PARP11: variants seen among roughly 807,000 people sequenced by gnomAD.
PARP11 encodes poly(ADP-ribose) polymerase family member 11.
In PARP11, 31 loss-of-function variants were observed where a neutral mutation model predicts 42.9. That is an observed-to-expected ratio of 0.72 (90% confidence interval 0.54 to 0.98). PARP11 has a LOEUF of 0.98. Ranked by LOEUF, PARP11 falls within the 50% of genes least tolerant of loss-of-function variation. PARP11 has a pLI of 0.00. For missense variants in PARP11, 365 were observed against 413.1 expected (o/e 0.88, Z 1.01); for synonymous variants, 137 against 127.3 (o/e 1.08, Z -0.51).
Position 3,840,898 on chromosome 12 carries a change from C to G in PARP11, c.19-10880G>C. On this transcript the variant is annotated intron_variant, in intron 1 of 7. Coordinates refer to ENST00000228820, the MANE Select transcript of PARP11 (RefSeq NM_020367.6). The surrounding 1 kb of genome is among the most constrained non-coding windows in gnomAD (Gnocchi z 4.4). ...GTCTTTGTCAAATCCAGCTCCCCTT[C>G]TAGTTTCTCCAGAGGTACATCTAAC... 2 of 1,601,600 alleles carry G rather than the reference C, an allele frequency of 1.2e-6. No individual in the cohort carries two copies. The highest frequency in any genetic ancestry group is 1.7e-6 in the Non-Finnish European group (2 of 1,168,504).
Position 3,861,179 on chromosome 12 carries a change from C to T in PARP11, c.18+12033G>A, listed in dbSNP as rs906118732. ...TAAAATGAATGTAATTTGCATGCAA[C>T]GAAGACACAAATTTTTCGTGGAGGG... On this transcript the variant is annotated intron_variant, in intron 1 of 7. Transcript: ENST00000228820. The surrounding 1 kb of genome is among the most constrained non-coding windows in gnomAD (Gnocchi z 4.6). Among the ~76,000 whole-genome samples, 1 of 152,088 alleles carries T rather than the reference C, an allele frequency of 6.6e-6. No individual in the cohort carries two copies. Among genetic ancestry groups the T allele is most frequent in the Non-Finnish European group, 1.5e-5 (1 of 68,014 alleles).
Position 3,840,261 on chromosome 12 carries a change from G to A in PARP11, c.19-10243C>T. ...ATGGACCAGTTTTGGTTGAAGAACT[G>A]GGAAAGTACACATCAAAGAACCTCA... is the stretch of plus-strand genomic sequence containing the variant. On this transcript the variant is annotated intron_variant, in intron 1 of 7. Transcript: ENST00000228820. This position sits in a 1 kb window ranked among gnomAD's most constrained non-coding sequence, Gnocchi z 4.4. 1 of 1,613,622 alleles carries A rather than the reference G, an allele frequency of 6.2e-7. No individual in the cohort carries two copies. The highest frequency in any genetic ancestry group is 8.5e-7 in the Non-Finnish European group (1 of 1,179,520).
chr12:3,857,656 G>A (rs946514173), intron 1 of PARP11, among the ~76,000 whole-genome samples: 48 of 151,012 alleles, frequency 3.2e-4, no homozygotes, highest in Admixed American at 3.1e-3. Flanking sequence ...AAAAGGAAAA[G>A]AAAAGGCATG....
rs555191628 is a variant in PARP11 at position 3,855,740 on chromosome 12, A to C, written c.18+17472T>G. ...GATTCAATGCCATCCCCATCAAGCT[A>C]CCAATGACATTCTTCACAGAATTGG... On this transcript the variant is annotated intron_variant, in intron 1 of 7. Transcript: ENST00000228820. 7.2e-5 allele frequency among the ~76,000 whole-genome samples: 11 copies of C among 152,336 alleles called. No homozygotes were observed. The South Asian group carries it at 1.9e-3, about 26-fold the overall frequency.
intron 1 of PARP11, chr12:3,832,061 T>A (rs1947653128): frequency 3.0e-6 from 2 of 665,278 alleles, no homozygotes; most frequent in Admixed American, 6.3e-5. Context: ...ATAGGAAAGT[T>A]CCCTTTATAC....
intron 4 of PARP11, chr12:3,824,750 C>T (rs12371001): frequency 0.06 from 14,876 of 249,040 alleles, 520 homozygotes; most frequent in East Asian, 0.18. Context: ...ATACAATGTA[C>T]AATTACAATA....
intron 1 of PARP11, among the ~76,000 whole-genome samples, chr12:3,853,412 C>T (rs968816450): frequency 7.2e-5 from 11 of 152,132 alleles, no homozygotes; most frequent in African/African-American, 2.7e-4. Context: ...GAGACACACA[C>T]AGGCTCCAAA....
In PARP11 at chr12:3,826,181, G is replaced by C. The variant is rs756416136; in HGVS notation, c.321C>G (p.Ala107=). The C allele has an allele frequency of 2.5e-6, 4 of 1,596,842 alleles. No individual in the cohort carries two copies. The South Asian group carries it at 3.4e-5, about 14-fold the overall frequency. Residue 107 remains alanine (A), a synonymous_variant, in exon 4 of 8, where the codon GCC becomes GCG. Coordinates refer to ENST00000228820, the MANE Select transcript of PARP11 (RefSeq NM_020367.6). ...ACCTGAAAGCACTGATAGAAAAGGG[G>C]GCTCTTTTTATTAAGCGCTGCTTTC... is the stretch of plus-strand genomic sequence containing the variant. ...TTGKQRLIKR[A]PFSISAFSYI... is the part of the protein sequence containing the mutation.
chr12:3,862,725 CT>C (rs1948318645), intron 1 of PARP11, among the ~76,000 whole-genome samples: 1 of 151,780 alleles, frequency 6.6e-6, no homozygotes. Flanking sequence ...TGAATCGTAC[CT>C]TTTAAAAAAT....
chr12:3,873,120 C>G, intron 1 of PARP11, 92 bp downstream of exon 1: 1 of 1,218,094 alleles, frequency 8.2e-7, no homozygotes, highest in Admixed American at 2.0e-5. Context: ...CAGACTGAAG[C>G]GAGCGCGGGG....
At chr12:3,823,915 C>CAAAAA (rs58303768) in intron 4 of PARP11, among the ~76,000 whole-genome samples, 8 of 114,120 alleles carry the variant, frequency 7.0e-5, no homozygotes, top group African/African-American at 2.7e-4. Flanking sequence ...GACTCTGTCT[C>CAAAAA]AAAAAAAAAA....
intron 1 of PARP11, chr12:3,842,526 G>A (rs1251808742): frequency 1.3e-6 from 2 of 1,549,040 alleles, no homozygotes; most frequent in African/African-American, 2.7e-5. Context: ...GACGGTTGTT[G>A]CCGAAGTATT....
intron 1 of PARP11, among the ~76,000 whole-genome samples, chr12:3,835,819 AAT>A (rs1947749976): frequency 6.6e-6 from 1 of 152,188 alleles, no homozygotes; most frequent in East Asian, 1.9e-4. Context: ...AACATAAATT[AAT>A]AGACATTATG....
chr12:3,829,126 G>A (rs1947587303), intron 2 of PARP11, 96 bp from the exon 3 acceptor site: 2 of 1,342,942 alleles, frequency 1.5e-6, no homozygotes, highest in African/African-American at 1.4e-5. Flanking sequence ...GGGAATGGAG[G>A]GGCGAGGGAA....
intron 1 of PARP11, among the ~76,000 whole-genome samples, chr12:3,836,810 G>A (rs138780704): frequency 6.6e-6 from 1 of 152,290 alleles, no homozygotes; most frequent in East Asian, 1.9e-4. Flanking sequence ...AGACAGTAAC[G>A]GAATTGGATT....
Position 3,811,181 on chromosome 12 carries a change from T to A in PARP11, c.*942A>T, listed in dbSNP as rs1386889745. The A allele has an allele frequency of 6.6e-6, 1 of 152,140 alleles. No individual in the cohort carries two copies. The highest frequency in any genetic ancestry group is 2.4e-5 in the African/African-American group (1 of 41,438). The allele number at this position is 152,140 out of a possible 1,614,324, so 9.4% of individuals were successfully genotyped here. A position where few individuals can be genotyped will look rare whatever the true frequency, so the allele number is the denominator to read the frequency against. On this transcript the variant is annotated 3_prime_UTR_variant, in exon 8 of 8. Transcript: ENST00000228820. ...CCATGCTTTCTATAATGTTTCAAAA[T>A]GGAGAGATACAAATTTGAAATATGA... is the stretch of plus-strand genomic sequence containing the variant.
chr12:3,823,195 G>T (rs2878785), intron 4 of PARP11, among the ~76,000 whole-genome samples: 1 of 152,012 alleles, frequency 6.6e-6, no homozygotes, highest in South Asian at 2.1e-4. Flanking sequence ...AAATCAAATA[G>T]GTGATTTAAA....
intron 4 of PARP11, among the ~76,000 whole-genome samples, chr12:3,822,393 T>C (rs1471184510): frequency 6.7e-6 from 1 of 149,906 alleles, no homozygotes; most frequent in Admixed American, 6.7e-5. Flanking sequence ...GGTCAGGAGA[T>C]CGAGACCATC....
intron 1 of PARP11, among the ~76,000 whole-genome samples, chr12:3,853,912 G>A (rs1038931921): frequency 3.3e-5 from 5 of 152,156 alleles, no homozygotes; most frequent in Non-Finnish European, 7.4e-5. Flanking sequence ...AAACGTAAAA[G>A]AACAGAAATC....
Sources: gnomAD v4.1 joint callset for allele counts (sites outside exome capture counted in the v4.1 genomes callset) on GRCh38, gnomAD v4.1.1 for gene constraint, Gnocchi (gnomAD v3.1) non-coding constraint, MANE v1.5 for transcripts, NCBI Gene and HGNC (gene_info 2026-07-23, HGNC 2026-07-21) for gene names.